Variants in SPATS1 observed in about 807,000 individuals in gnomAD.
SPATS1 encodes spermatogenesis associated serine rich 1, also known as spermatogenesis-associated serine-rich protein 1.
SPATS1 carries 23 observed loss-of-function variants against 33.6 expected under a neutral mutation model. The ratio of observed to expected loss-of-function variants is 0.68; its 90% CI spans 0.49 to 0.97. The LOEUF is 0.97. Ranked by LOEUF, SPATS1 falls within the 50% of genes least tolerant of loss-of-function variation. The pLI, the probability that SPATS1 is intolerant of heterozygous loss-of-function variation, is 0.00. For missense variants in SPATS1, 327 were observed against 361.0 expected, an observed-to-expected ratio of 0.91 and a Z score of 0.76; for synonymous variants, 131 against 125.6, an observed-to-expected ratio of 1.04 and a Z score of -0.29.
In SPATS1 at chr6:44,368,454, G is replaced by A. The variant is rs543929019; in HGVS notation, c.650G>A (p.Gly217Asp). ...NPYMYPEQSKGFHKAGSMLPP... is the reference protein window; with the variant it reads ...NPYMYPEQSKDFHKAGSMLPP... ...TATATGTACCCAGAACAGAGTAAAG[G>A]CTTCCACAAAGCAGGATCAATGCTC... The change falls in exon 6 of 9, where the codon GGC becomes GAC. Residue 217 changes from glycine (G) to aspartate (D), a missense_variant. Transcript: ENST00000674044. 20 of 1,613,364 alleles carry A rather than the reference G, an allele frequency of 1.2e-5. No homozygotes were observed. Among genetic ancestry groups the A allele is most frequent in the Admixed American group, 6.7e-5 (4 of 60,004 alleles).
At chr6:44,344,389 A>ATATGTGTG (rs200916956) in intron 2 of SPATS1, among the ~76,000 whole-genome samples, 1 of 124,698 alleles carries the variant, frequency 8.0e-6, no homozygotes, top group Admixed American at 7.9e-5. Context: ...AATTGAAGAT[A>ATATGTGTG]CGTGTGTGTG....
intron 2 of SPATS1, among the ~76,000 whole-genome samples, chr6:44,349,300 A>G (rs9395008): frequency 1.3e-5 from 2 of 150,516 alleles, no homozygotes; most frequent in African/African-American, 4.9e-5. Flanking sequence ...AAAAAAAAAA[A>G]AAAAAAAAAA....
intron 5 of SPATS1, among the ~76,000 whole-genome samples, chr6:44,367,675 T>C (rs576673755): frequency 6.6e-6 from 1 of 152,230 alleles, no homozygotes; most frequent in Non-Finnish European, 1.5e-5. Flanking sequence ...TCTTAGGAGA[T>C]GCATCTGGTG....
In SPATS1 at chr6:44,361,968, A is replaced by G; in HGVS notation, c.550A>G (p.Lys184Glu). Residue 184 changes from lysine (K) to glutamate (E), a missense_variant, in exon 5 of 9, where the codon AAG becomes GAG. Coordinates refer to ENST00000674044, the MANE Select transcript of SPATS1 (RefSeq NM_001372081.1). ...KRSLSERTVDKCFGRKKYDID... is the reference protein window; with the variant it reads ...KRSLSERTVDECFGRKKYDID... Reference sequence around the variant, plus strand: ...GTCTCTATCAGAGAGGACGGTGGACAAGTGCTTTGGGAGAAAGAAATACGG... The same window carrying G: ...GTCTCTATCAGAGAGGACGGTGGACGAGTGCTTTGGGAGAAAGAAATACGG... 1 of 1,614,228 alleles carries G rather than the reference A, an allele frequency of 6.2e-7. No individual in the cohort carries two copies. The highest frequency in any genetic ancestry group is 8.5e-7 in the Non-Finnish European group (1 of 1,180,026).
intron 3 of SPATS1, among the ~76,000 whole-genome samples, chr6:44,355,324 C>T (rs191816001): frequency 1.6e-4 from 24 of 152,298 alleles, no homozygotes; most frequent in African/African-American, 5.1e-4. Flanking sequence ...TGTCATTTCA[C>T]CACTTAATAG....
chr6:44,345,923 T>C (rs1163090832), intron 2 of SPATS1, among the ~76,000 whole-genome samples: 2 of 152,188 alleles, frequency 1.3e-5, no homozygotes, highest in Non-Finnish European at 2.9e-5. Flanking sequence ...TCCTCCAAGC[T>C]GTGCCAAACA....
chr6:44,351,003 A>C (rs1338473411), intron 2 of SPATS1, among the ~76,000 whole-genome samples: 1 of 151,894 alleles, frequency 6.6e-6, no homozygotes, highest in Non-Finnish European at 1.5e-5. Context: ...GAGTGCCTGT[A>C]ATACCAGCTA....
rs1425822236 is a variant in SPATS1, at chr6:44,378,342, T to C, written c.*1279T>C. ...TGGCTAATGAAGGCTGCAGATCTAG[T>C]ATCTCCAAAACCTTAAAGTGGAAAG... On this transcript the variant is annotated 3_prime_UTR_variant, in exon 9 of 9. Coordinates refer to ENST00000674044, the MANE Select transcript of SPATS1 (RefSeq NM_001372081.1). 13 of 152,134 alleles carry C rather than the reference T, an allele frequency of 8.5e-5. No individual in the cohort carries two copies. The allele number at this position is 152,134 out of a possible 1,614,324, so 9.4% of individuals were successfully genotyped here.
At position 44,352,945 on chromosome 6, in the gene SPATS1, T is replaced by C. The variant is rs115493771; in HGVS notation, c.287+72T>C. 6.4e-4 allele frequency: 971 copies of C among 1,510,000 alleles called. 7 individuals are homozygous for C. In the African/African-American group the frequency reaches 0.012, roughly 19 times the overall value. 93.5% of individuals were successfully genotyped at this position (1,510,000 alleles called of 1,614,324 possible). ...ACCAAGAAGCCAATAGTCTGAGAGG[T>C]AGCATGGTATGCTTGGCAAGAGCAT... On this transcript the variant is annotated intron_variant, in intron 3 of 8. Transcript: ENST00000674044.
In SPATS1 at chr6:44,343,401, A is replaced by C. The variant is rs756709830; in HGVS notation, c.139+167A>C. On this transcript the variant is annotated intron_variant, in intron 2 of 8. Coordinates refer to ENST00000674044, the MANE Select transcript of SPATS1 (RefSeq NM_001372081.1). The stretch of plus-strand genomic sequence containing the variant: ...AGTAGCTTATGTTTGTGCTAACCCA[A>C]GATTTGATTAGGCAGAGAGCACCAC... 6.4e-6 allele frequency: 5 copies of C among 781,496 alleles called. No homozygotes were observed. The South Asian group carries it at 7.3e-5, about 11-fold the overall frequency. The allele number at this position is 781,496 out of a possible 1,614,324, so 48.4% of individuals were successfully genotyped here. A position where few individuals can be genotyped will look rare whatever the true frequency, so the allele number is the denominator to read the frequency against.
At chr6:44,351,081 C>A (rs1788201675) in intron 2 of SPATS1, among the ~76,000 whole-genome samples, 1 of 141,644 alleles carries the variant, frequency 7.1e-6, no homozygotes, top group Admixed American at 7.3e-5. Context: ...TGAGATCACA[C>A]CACTGAACTC....
intron 7 of SPATS1, among the ~76,000 whole-genome samples, chr6:44,374,678 T>C (rs1165289948): frequency 6.6e-6 from 1 of 152,254 alleles, no homozygotes; most frequent in Non-Finnish European, 1.5e-5. Flanking sequence ...AGGTGTACTG[T>C]ATTACATTTA....
chr6:44,371,944 CAAAA>C (rs1217507871), intron 7 of SPATS1, among the ~76,000 whole-genome samples: 1 of 67,746 alleles, frequency 1.5e-5, no homozygotes. Context: ...GACTCCGTCT[CAAAA>C]AAAAAAAAAA....
chr6:44,377,319 A>C lies in SPATS1; in HGVS notation c.*256A>C. On this transcript the variant is annotated 3_prime_UTR_variant, in exon 9 of 9. Coordinates refer to ENST00000674044, the MANE Select transcript of SPATS1 (RefSeq NM_001372081.1). ...TATTTGTTCAAACTTTCTCTCTCTC[A>C]CAATATTACAGTTACCATTTTGCTG... 1.8e-6 allele frequency: 1 copy of C among 550,466 alleles called. No individual in the cohort carries two copies. Among genetic ancestry groups the C allele is most frequent in the Non-Finnish European group, 3.2e-6 (1 of 308,002 alleles). 34.1% of individuals were successfully genotyped at this position (550,466 alleles called of 1,614,324 possible).
At chr6:44,368,550 GTCTC>G (rs1263403086) in intron 6 of SPATS1, 51 bp downstream of exon 6, 2 of 1,537,208 alleles carry the variant, frequency 1.3e-6, no homozygotes, top group Non-Finnish European at 1.8e-6. Flanking sequence ...AAGGAATTGT[GTCTC>G]TCTACTACAC....
At chr6:44,370,983 T>G (rs1259313406) in intron 7 of SPATS1, among the ~76,000 whole-genome samples, 1 of 151,860 alleles carries the variant, frequency 6.6e-6, no homozygotes, top group African/African-American at 2.4e-5. Context: ...AGAAAGGTTT[T>G]TTTTTTTTTT....
At chr6:44,374,070 G>A (rs1461561133) in intron 7 of SPATS1, among the ~76,000 whole-genome samples, 2 of 152,204 alleles carry the variant, frequency 1.3e-5, no homozygotes, top group African/African-American at 4.8e-5. Context: ...TACTTGATCT[G>A]GGTCCTAGAT....
intron 4 of SPATS1, among the ~76,000 whole-genome samples, chr6:44,360,927 C>T (rs775867330): frequency 1.3e-4 from 20 of 151,922 alleles, no homozygotes; most frequent in South Asian, 2.1e-4. Flanking sequence ...TATACATACA[C>T]GTGTACATAT....
intron 5 of SPATS1, among the ~76,000 whole-genome samples, chr6:44,364,342 G>T (rs956072591): frequency 6.6e-6 from 1 of 152,146 alleles, no homozygotes; most frequent in African/African-American, 2.4e-5. Flanking sequence ...TCCAAGTAAG[G>T]CCCACAGATT....
Sources: gnomAD v4.1 joint callset for allele counts (sites outside exome capture counted in the v4.1 genomes callset) on GRCh38, gnomAD v4.1.1 for gene constraint, MANE v1.5 for transcripts, NCBI Gene and HGNC (gene_info 2026-07-23, HGNC 2026-07-21) for gene names.